Variants in PHC1 observed in about 807,000 individuals in gnomAD.
PHC1 encodes the protein polyhomeotic-like protein 1.
Under a neutral mutation model 104.3 loss-of-function variants are expected in PHC1, and 12 were observed. That is an observed-to-expected ratio of 0.12 (90% CI 0.07 to 0.19). The LOEUF (loss-of-function observed/expected upper bound fraction) is 0.19. Ranked by LOEUF, PHC1 falls within the 10% of genes least tolerant of loss-of-function variation. The probability of loss-of-function intolerance (pLI) is 1.00; values close to 1 mark genes in which losing one functional copy is unlikely to be tolerated. For missense variants in PHC1, 671 were observed against 1,200.0 expected, an observed-to-expected ratio of 0.56 and a Z score of 6.51; for synonymous variants, 302 against 455.8, an observed-to-expected ratio of 0.66 and a Z score of 4.30.
intron 7 of PHC1, among the ~76,000 whole-genome samples, chr12:8,931,386 A>G (rs1366733413): frequency 6.6e-6 from 1 of 152,236 alleles, no homozygotes; most frequent in Non-Finnish European, 1.5e-5. Context: ...CAGATACAGT[A>G]CAATGCCTTA....
At chr12:8,924,113 A>C (rs907545719) in intron 6 of PHC1, among the ~76,000 whole-genome samples, 2 of 152,214 alleles carry the variant, frequency 1.3e-5, no homozygotes, top group African/African-American at 4.8e-5. Flanking sequence ...CCAAGGAACA[A>C]TTGTATTAGA....
rs1945297339 is a variant in PHC1, at chr12:8,919,544, G to C, written c.115-212G>C. On this transcript the variant is annotated intron_variant, in intron 2 of 14. Transcript: ENST00000544916. This position sits in a 1 kb window ranked among gnomAD's most constrained non-coding sequence, Gnocchi z 4.9. ...GGAGTTTGAGGTTACAGTAAACTATGATCACGCCACTGTGCTCCAGCCTGG... is the reference window on the plus strand; with the variant it reads ...GGAGTTTGAGGTTACAGTAAACTATCATCACGCCACTGTGCTCCAGCCTGG... Among the ~76,000 whole-genome samples the C allele has an allele frequency of 2.0e-5, 3 of 152,202 alleles. No individual in the cohort carries two copies. Among genetic ancestry groups the C allele is most frequent in the African/African-American group, 7.2e-5 (3 of 41,444 alleles).
At chr12:8,936,357 G>A (rs1225152138) in intron 11 of PHC1, among the ~76,000 whole-genome samples, 2 of 152,166 alleles carry the variant, frequency 1.3e-5, no homozygotes, top group Admixed American at 1.3e-4. Context: ...ACTCCAGCCC[G>A]GGTGACAGAG....
At chr12:8,937,406 G>T (rs952735876) in intron 13 of PHC1, 80 bp downstream of exon 13, 1 of 1,270,858 alleles carries the variant, frequency 7.9e-7, no homozygotes, top group Non-Finnish European at 1.1e-6. Context: ...ATTTGCCCAG[G>T]TAAGAGGGTG....
intron 2 of PHC1, among the ~76,000 whole-genome samples, chr12:8,918,652 C>T (rs748295122): frequency 5.3e-4 from 80 of 152,124 alleles, no homozygotes; most frequent in Middle Eastern, 3.4e-3. Flanking sequence ...ATTTTCTTTA[C>T]ATTAATCGGC....
At position 8,914,660 on chromosome 12, in the gene PHC1, C is replaced by T. The variant is rs1039794353; in HGVS notation, c.-216C>T. On this transcript the variant is annotated 5_prime_UTR_variant, in exon 1 of 15. Coordinates refer to ENST00000544916, the MANE Select transcript of PHC1 (RefSeq NM_004426.3). ...GGCGGGGAGCCGCGGTCGCGCCGGG[C>T]GCCTCCCACCCCGCCCTCGGCGCCC... The T allele has an allele frequency of 1.0e-4, 15 of 150,110 alleles. No individual in the cohort carries two copies. The South Asian group carries it at 2.9e-3, about 29-fold the overall frequency. 9.3% of individuals were successfully genotyped at this position (150,110 alleles called of 1,614,324 possible). A position where few individuals can be genotyped will look rare whatever the true frequency, so the allele number is the denominator to read the frequency against.
At chr12:8,936,490 T>G (rs1460957907) in intron 11 of PHC1, among the ~76,000 whole-genome samples, 1 of 152,248 alleles carries the variant, frequency 6.6e-6, no homozygotes, top group African/African-American at 2.4e-5. Context: ...CTTACTGATT[T>G]TCCCACTGCT....
chr12:8,931,037 T>C, intron 7 of PHC1, 110 bp downstream of exon 7: 1 of 1,146,012 alleles, frequency 8.7e-7, no homozygotes, highest in Non-Finnish European at 1.2e-6. Flanking sequence ...CCCGCTTCTG[T>C]TGGTCCTTGA....
rs145598708 is a variant in PHC1, at chr12:8,938,730, C to T, written c.2861-575C>T. Among the ~76,000 whole-genome samples, 147 of 152,300 alleles carry T rather than the reference C, an allele frequency of 9.7e-4. 1 individual carries two copies. Among genetic ancestry groups the T allele is most frequent in the South Asian group, 2.1e-3 (10 of 4,824 alleles). Reference sequence around the variant, plus strand: ...GAAAACATGCTTTTATTTCTGTTCTCTCCCTTTCCCCTGTCTCTAAGCTAT... The same window carrying T: ...GAAAACATGCTTTTATTTCTGTTCTTTCCCTTTCCCCTGTCTCTAAGCTAT... On this transcript the variant is annotated intron_variant, in intron 14 of 14. Coordinates refer to ENST00000544916, the MANE Select transcript of PHC1 (RefSeq NM_004426.3).
intron 6 of PHC1, among the ~76,000 whole-genome samples, 174 bp downstream of exon 6, chr12:8,922,962 A>G (rs779064804): frequency 2.0e-5 from 3 of 152,236 alleles, no homozygotes; most frequent in Non-Finnish European, 4.4e-5. Flanking sequence ...CCTTTGAGTT[A>G]ATCTGAGTTA....
chr12:8,938,181 G>C lies in PHC1; in HGVS notation c.2860+121G>C, dbSNP rs114488794. ...TAGGAGCTTGAATGCTAATATAGAG[G>C]CTCTACTCCTAATATTCAAGTTGAC... is the stretch of plus-strand genomic sequence containing the variant. On this transcript the variant is annotated intron_variant, in intron 14 of 14. Coordinates refer to ENST00000544916, the MANE Select transcript of PHC1 (RefSeq NM_004426.3). 4,223 of 644,590 alleles carry C rather than the reference G, an allele frequency of 6.6e-3. 131 individuals carry two copies. The African/African-American group carries it at 0.068, about 10-fold the overall frequency. 39.9% of individuals were successfully genotyped at this position (644,590 alleles called of 1,614,324 possible). A position where few individuals can be genotyped will look rare whatever the true frequency, so the allele number is the denominator to read the frequency against.
intron 7 of PHC1, 26 bp from the exon 8 acceptor site, chr12:8,932,537 G>C (rs759188452): frequency 3.7e-6 from 6 of 1,604,094 alleles, no homozygotes; most frequent in African/African-American, 2.7e-5. Context: ...TTTTCTCTCT[G>C]TTGTATTCTG....
chr12:8,915,562 C>T (rs774482495), intron 1 of PHC1, among the ~76,000 whole-genome samples: 2 of 152,134 alleles, frequency 1.3e-5, no homozygotes, highest in African/African-American at 2.4e-5. Flanking sequence ...CCATGTATGC[C>T]CACATGCTAC....
At chr12:8,917,339 A>G (rs1429540259) in intron 1 of PHC1, among the ~76,000 whole-genome samples, 3 of 152,224 alleles carry the variant, frequency 2.0e-5, no homozygotes, top group Non-Finnish European at 4.4e-5. Flanking sequence ...TAACTTTGGT[A>G]TTGTAAGGTG....
In PHC1 at chr12:8,937,162, G is replaced by C; in HGVS notation, c.2478-14G>C. Reference sequence around the variant, plus strand: ...GTGGCACTATTGACATCCTATATATGCCCTGTCCTGTAGGTACAATGTGAG... The same window carrying C: ...GTGGCACTATTGACATCCTATATATCCCCTGTCCTGTAGGTACAATGTGAG... On this transcript the variant is annotated splice_polypyrimidine_tract_variant and intron_variant, in intron 12 of 14. Transcript: ENST00000544916. 1.9e-6 allele frequency: 3 copies of C among 1,607,352 alleles called. No homozygotes were observed. Among genetic ancestry groups the C allele is most frequent in the Non-Finnish European group, 2.5e-6 (3 of 1,176,514 alleles).
rs117217787 is a variant in PHC1, at chr12:8,924,906, T to C, written c.612+2118T>C. ...CTAACAGTTCCTGGAGAAGAGAAGT[T>C]AGGGAACTTGCTAAGAAACTCTTGT... On this transcript the variant is annotated intron_variant, in intron 6 of 14. Coordinates refer to ENST00000544916, the MANE Select transcript of PHC1 (RefSeq NM_004426.3). 3.9e-3 allele frequency among the ~76,000 whole-genome samples: 589 copies of C among 152,246 alleles called. 1 individual carries two copies. The highest frequency in any genetic ancestry group is 6.8e-3 in the Middle Eastern group (2 of 294).
chr12:8,930,051 T>C (rs1281710354), intron 6 of PHC1, among the ~76,000 whole-genome samples: 1 of 152,200 alleles, frequency 6.6e-6, no homozygotes, highest in Non-Finnish European at 1.5e-5. Context: ...TCTTCTGTAG[T>C]AGAAAGTAAT....
intron 14 of PHC1, among the ~76,000 whole-genome samples, chr12:8,939,049 C>G (rs999277788): frequency 1.3e-5 from 2 of 152,192 alleles, no homozygotes; most frequent in African/African-American, 2.4e-5. Flanking sequence ...TGGTCTTGAA[C>G]TCCTGAGCTC....
In PHC1 at chr12:8,924,597, G is replaced by A. The variant is rs866425767; in HGVS notation, c.612+1809G>A. Reference sequence around the variant, plus strand: ...GGGATACTTGAGCAGAGTCTTGGACGAGTGGATTTGATTTGGAGTGAGAAG... The same window carrying A: ...GGGATACTTGAGCAGAGTCTTGGACAAGTGGATTTGATTTGGAGTGAGAAG... On this transcript the variant is annotated intron_variant, in intron 6 of 14. Transcript: ENST00000544916. 1.4e-4 allele frequency among the ~76,000 whole-genome samples: 22 copies of A among 152,230 alleles called. 1 individual carries two copies. In the South Asian group the frequency reaches 1.4e-3, roughly 10 times the overall value.
Sources: gnomAD v4.1 joint callset for allele counts (sites outside exome capture counted in the v4.1 genomes callset) on GRCh38, gnomAD v4.1.1 for gene constraint, Gnocchi (gnomAD v3.1) non-coding constraint, MANE v1.5 for transcripts, NCBI Gene and HGNC (gene_info 2026-07-23, HGNC 2026-07-21) for gene names.